Variants in STAT4 observed in about 807,000 individuals in gnomAD.
STAT4 encodes signal transducer and activator of transcription 4.
Under a neutral mutation model 110.5 loss-of-function variants are expected in STAT4, and 42 were observed. The observed-to-expected ratio is 0.38, with a 90% CI of 0.30 to 0.49. The LOEUF (loss-of-function observed/expected upper bound fraction) is 0.49. Among genes scored for constraint, STAT4 ranks in the 20% least tolerant of loss-of-function variants. STAT4 has a pLI of 0.95. For synonymous variants in STAT4, 284 were observed against 302.2 expected, an observed-to-expected ratio of 0.94 and a Z score of 0.63; for missense variants, 632 against 887.9, an observed-to-expected ratio of 0.71 and a Z score of 3.66.
At chr2:191,073,331 A>C (rs1697219034) in intron 4 of STAT4, 141 bp from the exon 5 acceptor site, 1 of 661,954 alleles carries the variant, frequency 1.5e-6, no homozygotes, top group South Asian at 2.1e-5. Flanking sequence ...ATGCTGTAAA[A>C]AAGTATTTAA....
At position 191,089,050 on chromosome 2, in the gene STAT4, C is replaced by G; in HGVS notation, c.274-12725G>C. 1.3e-5 allele frequency among the ~76,000 whole-genome samples: 2 copies of G among 152,048 alleles called. 1 individual carries two copies. Among genetic ancestry groups the G allele is most frequent in the Non-Finnish European group, 2.9e-5 (2 of 68,002 alleles). On this transcript the variant is annotated intron_variant, in intron 3 of 23. Coordinates refer to ENST00000392320, the MANE Select transcript of STAT4 (RefSeq NM_003151.4). ...TTTAGTGATGACTTTTTAGATACAA[C>G]ACTAAAGGCAAAATTCATGAAACGA...
In STAT4 at chr2:191,083,482, G is replaced by T. The variant is rs1041959519; in HGVS notation, c.274-7157C>A. Among the ~76,000 whole-genome samples, 2 of 152,164 alleles carry T rather than the reference G, an allele frequency of 1.3e-5. No individual in the cohort carries two copies. The highest frequency in any genetic ancestry group is 4.8e-5 in the African/African-American group (2 of 41,442). Reference sequence around the variant, plus strand: ...ATGTGAACAGGACAGCCCCACCTCTGCTGTACCAGCTCTTCTCCTAACCCC... The same window carrying T: ...ATGTGAACAGGACAGCCCCACCTCTTCTGTACCAGCTCTTCTCCTAACCCC... On this transcript the variant is annotated intron_variant, in intron 3 of 23. Coordinates refer to ENST00000392320, the MANE Select transcript of STAT4 (RefSeq NM_003151.4). The surrounding 1 kb of genome is among the most constrained non-coding windows in gnomAD (Gnocchi z 4.6).
rs1696187759 is a variant in STAT4 at position 191,041,141 on chromosome 2, T to G, written c.1259A>C (p.His420Pro). ...SAGGKGNEGC[H>P]MVTEELHSIT... ...GGAATGAAGTTCTTCAGTCACCATGTGACAGCCCTAAGGAAGAGAGAAATA... is the reference window on the plus strand; with the variant it reads ...GGAATGAAGTTCTTCAGTCACCATGGGACAGCCCTAAGGAAGAGAGAAATA... The change falls in exon 15 of 24, where the codon CAC becomes CCC. Residue 420 changes from histidine to proline, a missense_variant. His to Pro is a moderately conservative substitution (Grantham distance 77, BLOSUM62 -2). Transcript: ENST00000392320. 1 of 1,469,120 alleles carries G rather than the reference T, an allele frequency of 6.8e-7. No individual in the cohort carries two copies. Among genetic ancestry groups the G allele is most frequent in the African/African-American group, 1.4e-5 (1 of 70,140 alleles). 91.0% of individuals were successfully genotyped at this position (1,469,120 alleles called of 1,614,324 possible).
At position 191,080,538 on chromosome 2, in the gene STAT4, T is replaced by C. The variant is rs928623504; in HGVS notation, c.274-4213A>G. Among the ~76,000 whole-genome samples, 21 of 152,282 alleles carry C rather than the reference T, an allele frequency of 1.4e-4. No homozygotes were observed. In the East Asian group the frequency reaches 2.9e-3, roughly 21 times the overall value. ...TGGCACTTTCTTGATCTCTCCAAAA[T>C]TTCTCAGTAGAAGGTTTCAGACAAG... On this transcript the variant is annotated intron_variant, in intron 3 of 23. Transcript: ENST00000392320.
chr2:191,033,108 G>A lies in STAT4; in HGVS notation c.1894C>T (p.Arg632Trp), dbSNP rs1226293129. ...FHSVEPYNKG[R>W]LSALPFADIL... ...TCAGCGAATGGCAGAGCAGACAACC[G>A]GCCTTTATTGTAGGGTTCTACAGAG... The change falls in exon 21 of 24, where the codon CGG becomes TGG. Residue 632 changes from arginine (R) to tryptophan (W), a missense_variant. Arg to Trp is a moderately radical substitution (Grantham distance 101). Coordinates refer to ENST00000392320, the MANE Select transcript of STAT4 (RefSeq NM_003151.4). The surrounding 1 kb of genome is among the most constrained non-coding windows in gnomAD (Gnocchi z 6.9). 3.7e-6 allele frequency: 6 copies of A among 1,613,976 alleles called. No individual in the cohort carries two copies. The highest frequency in any genetic ancestry group is 2.2e-5 in the East Asian group (1 of 44,902).
intron 3 of STAT4, among the ~76,000 whole-genome samples, chr2:191,114,804 A>T (rs1237045051): frequency 6.6e-6 from 1 of 152,176 alleles, no homozygotes; most frequent in Non-Finnish European, 1.5e-5. Context: ...ACAAACGTTG[A>T]AGAGGATGGA....
In STAT4 at chr2:191,059,054, G is replaced by GAA. The variant is rs373921127; in HGVS notation, c.1035-287_1035-286dup. Among the ~76,000 whole-genome samples, 1 of 146,386 alleles carries GAA rather than the reference G, an allele frequency of 6.8e-6. No homozygotes were observed. Among genetic ancestry groups the GAA allele is most frequent in the African/African-American group, 2.5e-5 (1 of 39,944 alleles). On this transcript the variant is annotated intron_variant, in intron 10 of 23. Coordinates refer to ENST00000392320, the MANE Select transcript of STAT4 (RefSeq NM_003151.4). This position sits in a 1 kb window ranked among gnomAD's most constrained non-coding sequence, Gnocchi z 4.7. ...GCTGGATAATACGTTGGCCAGGTCA[G>GAA]AAAAAAAAAAGCTATATATTTTGGC...
Position 191,113,164 on chromosome 2 carries a change from CA to C in STAT4, c.273+33448del, listed in dbSNP as rs1188959709. Among the ~76,000 whole-genome samples, 1 of 152,216 alleles carries C rather than the reference CA, an allele frequency of 6.6e-6. No homozygotes were observed. Among genetic ancestry groups the C allele is most frequent in the East Asian group, 1.9e-4 (1 of 5,198 alleles). Reference sequence around the variant, plus strand: ...CACCTTTGCTTATGAAGATCCTGCCCATACAATTACAGCCAGTGCTGGCAGA... The same window carrying C: ...CACCTTTGCTTATGAAGATCCTGCCCTACAATTACAGCCAGTGCTGGCAGA... On this transcript the variant is annotated intron_variant, in intron 3 of 23. Transcript: ENST00000392320. This position sits in a 1 kb window ranked among gnomAD's most constrained non-coding sequence, Gnocchi z 4.8.
chr2:191,134,920 T>C (rs761673660), intron 3 of STAT4, among the ~76,000 whole-genome samples: 5 of 151,462 alleles, frequency 3.3e-5, no homozygotes, highest in Non-Finnish European at 7.4e-5. Flanking sequence ...GAAAAAGCAG[T>C]GCTAAAAGGG....
chr2:191,085,484 G>A (rs1697611912), intron 3 of STAT4, among the ~76,000 whole-genome samples: 1 of 151,738 alleles, frequency 6.6e-6, no homozygotes, highest in African/African-American at 2.4e-5. Context: ...AATTGTATGA[G>A]ATTCTTATGA....
In STAT4 at chr2:191,047,904, G is replaced by T. The variant is rs187285972; in HGVS notation, c.1251+6586C>A. 3.7e-3 allele frequency among the ~76,000 whole-genome samples: 564 copies of T among 152,320 alleles called. 2 individuals are homozygous for T. Among genetic ancestry groups the T allele is most frequent in the Non-Finnish European group, 6.0e-3 (411 of 68,026 alleles). Reference sequence around the variant, plus strand: ...TGGTCTTGAACTCCTGAGCTCAAGTGATCTGCCTGTCTCGGACTCCCAAAG... The same window carrying T: ...TGGTCTTGAACTCCTGAGCTCAAGTTATCTGCCTGTCTCGGACTCCCAAAG... On this transcript the variant is annotated intron_variant, in intron 14 of 23. Coordinates refer to ENST00000392320, the MANE Select transcript of STAT4 (RefSeq NM_003151.4).
At position 191,050,260 on chromosome 2, in the gene STAT4, A is replaced by G. The variant is rs1696482915; in HGVS notation, c.1251+4230T>C. ...GGCTCCCTGCTAGATAAGTACCTCC[A>G]GGGAAAGGTTGCTTCCTGGGAATGT... is the stretch of plus-strand genomic sequence containing the variant. On this transcript the variant is annotated intron_variant, in intron 14 of 23. Coordinates refer to ENST00000392320, the MANE Select transcript of STAT4 (RefSeq NM_003151.4). The surrounding 1 kb of genome is among the most constrained non-coding windows in gnomAD (Gnocchi z 4.3). Among the ~76,000 whole-genome samples the G allele has an allele frequency of 1.3e-5, 2 of 152,208 alleles. No individual in the cohort carries two copies. Among genetic ancestry groups the G allele is most frequent in the Non-Finnish European group, 2.9e-5 (2 of 68,022 alleles).
At chr2:191,088,066 ATTC>A (rs1697684845) in intron 3 of STAT4, among the ~76,000 whole-genome samples, 4 of 152,174 alleles carry the variant, frequency 2.6e-5, no homozygotes, top group African/African-American at 9.7e-5. Flanking sequence ...AAGGAAATAA[ATTC>A]TATACAAATA....
chr2:191,089,350 A>C (rs907592479), intron 3 of STAT4, among the ~76,000 whole-genome samples: 2 of 152,222 alleles, frequency 1.3e-5, no homozygotes, highest in African/African-American at 4.8e-5. Flanking sequence ...CTAAAATAAC[A>C]ATGAGATACT....
At chr2:191,096,944 G>A (rs1021887543) in intron 3 of STAT4, among the ~76,000 whole-genome samples, 2 of 152,080 alleles carry the variant, frequency 1.3e-5, no homozygotes, top group African/African-American at 4.8e-5. Flanking sequence ...AAATCAATGT[G>A]CAAAAATCAC....
Position 191,082,699 on chromosome 2 carries a change from TTTGAC to T in STAT4, c.274-6379_274-6375del, listed in dbSNP as rs1697519458. Among the ~76,000 whole-genome samples, 1 of 152,240 alleles carries T rather than the reference TTTGAC, an allele frequency of 6.6e-6. No homozygotes were observed. The highest frequency in any genetic ancestry group is 1.5e-5 in the Non-Finnish European group (1 of 68,040). ...ACAGCCTTTCTATCTAATTTCCAAA[TTTGAC>T]TTGTCATTAAAGAGTAACTAGTTCA... On this transcript the variant is annotated intron_variant, in intron 3 of 23. Transcript: ENST00000392320. This position sits in a 1 kb window ranked among gnomAD's most constrained non-coding sequence, Gnocchi z 4.7.
chr2:191,069,046 TA>T (rs1697072110), intron 6 of STAT4, among the ~76,000 whole-genome samples: 1 of 152,058 alleles, frequency 6.6e-6, no homozygotes, highest in Admixed American at 6.6e-5. Flanking sequence ...AGGAAATACT[TA>T]AAAAATAAAA....
intron 3 of STAT4, among the ~76,000 whole-genome samples, chr2:191,079,842 T>C (rs1031199682): frequency 5.3e-5 from 8 of 152,158 alleles, no homozygotes; most frequent in African/African-American, 1.9e-4. Context: ...AGACTTGTTT[T>C]ATGACCCAGC....
Position 191,086,602 on chromosome 2 carries a change from G to A in STAT4, c.274-10277C>T, listed in dbSNP as rs767638757. Among the ~76,000 whole-genome samples, 15 of 152,084 alleles carry A rather than the reference G, an allele frequency of 9.9e-5. No homozygotes were observed. The highest frequency in any genetic ancestry group is 2.6e-4 in the Admixed American group (4 of 15,266). ...GGGGGATTGGAAAGAGAAAAATTATGTTCCAAAAGAAACTGTAGTATACTT... is the reference window on the plus strand; with the variant it reads ...GGGGGATTGGAAAGAGAAAAATTATATTCCAAAAGAAACTGTAGTATACTT... On this transcript the variant is annotated intron_variant, in intron 3 of 23. Coordinates refer to ENST00000392320, the MANE Select transcript of STAT4 (RefSeq NM_003151.4). The surrounding 1 kb of genome is among the most constrained non-coding windows in gnomAD (Gnocchi z 5.5).
Sources: allele counts gnomAD v4.1 joint callset (sites outside exome capture counted in the v4.1 genomes callset), GRCh38; gene constraint gnomAD v4.1.1; non-coding constraint Gnocchi (gnomAD v3.1); transcripts MANE v1.5; gene names NCBI Gene and HGNC (gene_info 2026-07-23, HGNC 2026-07-21).